Variants in ZNF280B observed in about 807,000 individuals in gnomAD.
The protein encoded by ZNF280B is suppressor of hairy wing homolog 2.
ZNF280B carries 16 observed loss-of-function variants against 38.0 expected under a neutral mutation model. That is an observed-to-expected ratio of 0.42 (90% CI 0.28 to 0.64). The LOEUF (loss-of-function observed/expected upper bound fraction) is 0.64. Ranked by LOEUF, ZNF280B falls within the 30% of genes least tolerant of loss-of-function variation. The probability of loss-of-function intolerance (pLI) is 0.21; values close to 1 mark genes in which losing one functional copy is unlikely to be tolerated. For missense variants in ZNF280B, 581 were observed against 639.6 expected, an observed-to-expected ratio of 0.91 and a Z score of 0.99; for synonymous variants, 253 against 230.6, an observed-to-expected ratio of 1.10 and a Z score of -0.88.
At chr22:22,507,475 T>C (rs1427005110) in intron 2 of ZNF280B, among the ~76,000 whole-genome samples, 1 of 151,770 alleles carries the variant, frequency 6.6e-6, no homozygotes, top group Admixed American at 6.6e-5. Flanking sequence ...TGCATGCAGT[T>C]ACCTCATGAA....
intron 2 of ZNF280B, among the ~76,000 whole-genome samples, chr22:22,506,977 T>A (rs564412358): frequency 6.6e-6 from 1 of 151,864 alleles, no homozygotes; most frequent in Admixed American, 6.6e-5. Flanking sequence ...CAGCAGGAAG[T>A]GATGGTATGC....
rs931668204 is a variant in ZNF280B at position 22,484,505 on chromosome 22, G to A, written c.*3262C>T. The A allele has an allele frequency of 2.6e-5, 4 of 152,192 alleles. No homozygotes were observed. Among genetic ancestry groups the A allele is most frequent in the African/African-American group, 9.7e-5 (4 of 41,294 alleles). 9.4% of individuals were successfully genotyped at this position (152,192 alleles called of 1,614,324 possible). ...ATTAATAAAATAATAAATTTCACCT[G>A]AAAGAACAAGCGAGCAAAATAGACA... On this transcript the variant is annotated 3_prime_UTR_variant, in exon 4 of 4. Coordinates refer to ENST00000626650, the MANE Select transcript of ZNF280B (RefSeq NM_080764.4).
chr22:22,492,614 C>T (rs561645116), intron 3 of ZNF280B, among the ~76,000 whole-genome samples: 18 of 151,932 alleles, frequency 1.2e-4, no homozygotes, highest in African/African-American at 3.6e-4. Flanking sequence ...TGGCTGGGCA[C>T]GGTGGCTCAT....
At chr22:22,504,015 A>G (rs1261353823) in intron 2 of ZNF280B, among the ~76,000 whole-genome samples, 2 of 152,056 alleles carry the variant, frequency 1.3e-5, no homozygotes, top group Non-Finnish European at 2.9e-5. Flanking sequence ...AACTCTCAGA[A>G]TTGTATTATT....
intron 2 of ZNF280B, among the ~76,000 whole-genome samples, chr22:22,496,308 C>G (rs2061693429): frequency 1.3e-5 from 2 of 148,884 alleles, no homozygotes; most frequent in African/African-American, 5.0e-5. Context: ...ATGTTGTCCA[C>G]ACTGGTCTCG....
intron 3 of ZNF280B, among the ~76,000 whole-genome samples, 153 bp from the exon 4 acceptor site, chr22:22,489,619 C>A (rs1266721119): frequency 6.6e-6 from 1 of 151,742 alleles, no homozygotes; most frequent in Non-Finnish European, 1.5e-5. Context: ...GATAAAAGAT[C>A]AGGTTCCTAT....
intron 2 of ZNF280B, among the ~76,000 whole-genome samples, chr22:22,502,290 AAAC>A (rs2146842276): frequency 6.6e-6 from 1 of 152,122 alleles, no homozygotes; most frequent in South Asian, 2.1e-4. Context: ...TTATAAGCAA[AAAC>A]AATCTCAAGC....
At position 22,487,693 on chromosome 22, in the gene ZNF280B, G is replaced by A. The variant is rs1309988756; in HGVS notation, c.*74C>T. On this transcript the variant is annotated 3_prime_UTR_variant, in exon 4 of 4. Coordinates refer to ENST00000626650, the MANE Select transcript of ZNF280B (RefSeq NM_080764.4). ...TTTTTGGTGCTACTGAATAATGTATGGTTTGTATTTTTTGTTTTATGAGGT... is the reference window on the plus strand; with the variant it reads ...TTTTTGGTGCTACTGAATAATGTATAGTTTGTATTTTTTGTTTTATGAGGT... 2.3e-6 allele frequency: 3 copies of A among 1,305,946 alleles called. No homozygotes were observed. The highest frequency in any genetic ancestry group is 1.5e-5 in the South Asian group (1 of 68,090). 80.9% of individuals were successfully genotyped at this position (1,305,946 alleles called of 1,614,324 possible). A position where few individuals can be genotyped will look rare whatever the true frequency, so the allele number is the denominator to read the frequency against.
In ZNF280B at chr22:22,488,889, A is replaced by G. The variant is rs2061539857; in HGVS notation, c.510T>C (p.Arg170=). 2 of 1,613,720 alleles carry G rather than the reference A, an allele frequency of 1.2e-6. No individual in the cohort carries two copies. Among genetic ancestry groups the G allele is most frequent in the Non-Finnish European group, 8.5e-7 (1 of 1,179,962 alleles). The change falls in exon 4 of 4, where the codon CGT becomes CGC. Residue 170 remains arginine, a synonymous_variant. Coordinates refer to ENST00000626650, the MANE Select transcript of ZNF280B (RefSeq NM_080764.4). ...CGAAAGTGGAAAGTTGCTTTGATAC[A>G]CGAGGACTTTCATTTATACCTCCTA... is the stretch of plus-strand genomic sequence containing the variant. ...LSVGGINESP[R]VSKQLSTFEV...
rs1237826116 is a variant in ZNF280B, at chr22:22,485,074, GT to G, written c.*2692del. 2 of 152,358 alleles carry G rather than the reference GT, an allele frequency of 1.3e-5. No individual in the cohort carries two copies. The highest frequency in any genetic ancestry group is 2.9e-5 in the Non-Finnish European group (2 of 68,044). The allele number at this position is 152,358 out of a possible 1,614,324, so 9.4% of individuals were successfully genotyped here. A position where few individuals can be genotyped will look rare whatever the true frequency, so the allele number is the denominator to read the frequency against. On this transcript the variant is annotated 3_prime_UTR_variant, in exon 4 of 4. Transcript: ENST00000626650. ...ATAGCAAGGCCAGTGTGTCAAAATA[GT>G]GCATCATTGGGGAAAACAGTGGAGA...
chr22:22,498,793 C>CCT (rs1433318386), intron 2 of ZNF280B, among the ~76,000 whole-genome samples: 1 of 83,632 alleles, frequency 1.2e-5, no homozygotes, highest in Admixed American at 2.0e-4. Context: ...GGCCAATATC[C>CCT]TTTTTTTTTT....
intron 3 of ZNF280B, among the ~76,000 whole-genome samples, chr22:22,493,186 T>C (rs1036520021): frequency 1.3e-5 from 2 of 151,756 alleles, no homozygotes; most frequent in African/African-American, 2.4e-5. Flanking sequence ...TTTTTGTATT[T>C]TTAGTAGAGA....
intron 2 of ZNF280B, among the ~76,000 whole-genome samples, chr22:22,501,019 C>CAAAAAAAAAA (rs56907724): frequency 1.5e-4 from 9 of 60,272 alleles, no homozygotes; most frequent in Non-Finnish European, 2.3e-4. Flanking sequence ...GACTCCGTCT[C>CAAAAAAAAAA]AAAAAAAAAA....
In ZNF280B at chr22:22,486,084, C is replaced by G. The variant is rs561567640; in HGVS notation, c.*1683G>C. On this transcript the variant is annotated 3_prime_UTR_variant, in exon 4 of 4. Transcript: ENST00000626650. ...CTTAAAACTTATTGAATTAGAGAGA[C>G]ATTTCTTGCACACTGGTGTGTGTCA... is the stretch of plus-strand genomic sequence containing the variant. The G allele has an allele frequency of 6.6e-6, 1 of 152,008 alleles. No homozygotes were observed. Among genetic ancestry groups the G allele is most frequent in the African/African-American group, 2.4e-5 (1 of 41,404 alleles). The allele number at this position is 152,008 out of a possible 1,614,324, so 9.4% of individuals were successfully genotyped here.
chr22:22,491,279 G>A (rs1041121247), intron 3 of ZNF280B, among the ~76,000 whole-genome samples: 3 of 150,446 alleles, frequency 2.0e-5, no homozygotes, highest in African/African-American at 7.3e-5. Flanking sequence ...TGGAAATTCC[G>A]TAGGCCAATA....
At chr22:22,505,742 G>A (rs1042836905) in intron 2 of ZNF280B, among the ~76,000 whole-genome samples, 1 of 151,830 alleles carries the variant, frequency 6.6e-6, no homozygotes, top group Non-Finnish European at 1.5e-5. Context: ...CTGGGTGACA[G>A]AGCGAAACTC....
At chr22:22,490,703 G>C (rs1217608653) in intron 3 of ZNF280B, among the ~76,000 whole-genome samples, 2 of 151,766 alleles carry the variant, frequency 1.3e-5, no homozygotes, top group Non-Finnish European at 2.9e-5. Context: ...CCTTATCTCA[G>C]GTGATCCACG....
chr22:22,495,602 A>G (rs983074586), intron 2 of ZNF280B, among the ~76,000 whole-genome samples: 1 of 151,982 alleles, frequency 6.6e-6, no homozygotes, highest in East Asian at 2.0e-4. Flanking sequence ...AGTAAGTCTC[A>G]TGGAGAAGGT....
intron 3 of ZNF280B, among the ~76,000 whole-genome samples, 152 bp downstream of exon 3, chr22:22,493,911 C>G (rs1370892315): frequency 6.6e-6 from 1 of 151,572 alleles, no homozygotes. Context: ...CTGTGTTCCC[C>G]CCACCCCCAA....
Sources: gnomAD v4.1 joint callset for allele counts (sites outside exome capture counted in the v4.1 genomes callset) on GRCh38, gnomAD v4.1.1 for gene constraint, MANE v1.5 for transcripts, NCBI Gene and HGNC (gene_info 2026-07-23, HGNC 2026-07-21) for gene names.